Variants in SLC2A13 observed in about 807,000 individuals in gnomAD.
SLC2A13 encodes the protein proton myo-inositol cotransporter.
SLC2A13 carries 32 observed loss-of-function variants against 64.4 expected under a neutral mutation model. That is an observed-to-expected ratio of 0.50 (90% CI 0.37 to 0.67). SLC2A13 has a LOEUF of 0.67. Ranked by LOEUF, SLC2A13 falls within the 30% of genes least tolerant of loss-of-function variation. The probability of loss-of-function intolerance (pLI) is 0.00; values close to 1 mark genes in which losing one functional copy is unlikely to be tolerated. For missense variants in SLC2A13, 743 were observed against 829.2 expected, an observed-to-expected ratio of 0.90 and a Z score of 1.28; for synonymous variants, 338 against 327.1, an observed-to-expected ratio of 1.03 and a Z score of -0.36.
intron 3 of SLC2A13, among the ~76,000 whole-genome samples, chr12:39,989,858 G>A (rs536059528): frequency 6.6e-6 from 1 of 152,154 alleles, no homozygotes; most frequent in Non-Finnish European, 1.5e-5. Flanking sequence ...CTGCTGTCAG[G>A]AAATTTTACA....
chr12:40,079,416 T>C (rs1018887623), intron 1 of SLC2A13, among the ~76,000 whole-genome samples: 7 of 152,218 alleles, frequency 4.6e-5, no homozygotes, highest in African/African-American at 1.7e-4. Context: ...ATTGTACAGT[T>C]TGGGGGATCT....
At chr12:39,779,018 A>G (rs1234205768) in intron 7 of SLC2A13, among the ~76,000 whole-genome samples, 1 of 152,230 alleles carries the variant, frequency 6.6e-6, no homozygotes, top group Non-Finnish European at 1.5e-5. Context: ...CGTAGGTAAT[A>G]CATGCCTTTG....
intron 3 of SLC2A13, among the ~76,000 whole-genome samples, chr12:39,996,591 C>A (rs1469441142): frequency 1.3e-5 from 2 of 152,164 alleles, no homozygotes; most frequent in South Asian, 4.2e-4. Context: ...TGGGCTGGGC[C>A]CCCCGCCCCA....
intron 9 of SLC2A13, among the ~76,000 whole-genome samples, chr12:39,763,152 T>C (rs1375333187): frequency 1.3e-5 from 2 of 152,058 alleles, no homozygotes; most frequent in African/African-American, 4.8e-5. Flanking sequence ...GTTTATGAAT[T>C]TATCGAAAAA....
chr12:40,048,003 C>T (rs1309783195), intron 2 of SLC2A13, 48 bp downstream of exon 2: 1 of 1,522,912 alleles, frequency 6.6e-7, no homozygotes, highest in African/African-American at 1.4e-5. Context: ...TTCTCCCCTT[C>T]CCCAAAATCA....
chr12:39,773,205 A>T (rs1592122965), intron 7 of SLC2A13, among the ~76,000 whole-genome samples: 1 of 152,316 alleles, frequency 6.6e-6, no homozygotes, highest in East Asian at 1.9e-4. Flanking sequence ...GCAAAACCTG[A>T]AAATGACTGC....
chr12:39,921,086 AATTG>A (rs1480769017), intron 4 of SLC2A13, among the ~76,000 whole-genome samples: 5 of 152,194 alleles, frequency 3.3e-5, no homozygotes, highest in Non-Finnish European at 5.9e-5. Flanking sequence ...TTGAAAATAT[AATTG>A]ATTGATTATG....
intron 1 of SLC2A13, among the ~76,000 whole-genome samples, chr12:40,067,104 A>T (rs1937758940): frequency 6.6e-6 from 1 of 152,214 alleles, no homozygotes; most frequent in African/African-American, 2.4e-5. Context: ...GGTGTACAAA[A>T]CTGCAAATCG....
At chr12:39,977,879 C>A (rs1442139649) in intron 3 of SLC2A13, among the ~76,000 whole-genome samples, 1 of 152,236 alleles carries the variant, frequency 6.6e-6, no homozygotes, top group Non-Finnish European at 1.5e-5. Flanking sequence ...GGTCTTCACC[C>A]TTTCTCTGGC....
intron 2 of SLC2A13, among the ~76,000 whole-genome samples, chr12:40,032,831 C>G (rs1000316443): frequency 6.6e-6 from 1 of 152,220 alleles, no homozygotes; most frequent in Non-Finnish European, 1.5e-5. Flanking sequence ...TTTTGCACTT[C>G]ACGATCATTG....
At chr12:39,821,449 A>G (rs1942507730) in intron 7 of SLC2A13, among the ~76,000 whole-genome samples, 1 of 152,122 alleles carries the variant, frequency 6.6e-6, no homozygotes, top group Non-Finnish European at 1.5e-5. Flanking sequence ...CCACAGGAGA[A>G]TCCAGGGTAT....
intron 4 of SLC2A13, among the ~76,000 whole-genome samples, chr12:39,885,898 A>G (rs558156066): frequency 6.6e-6 from 1 of 152,314 alleles, no homozygotes; most frequent in South Asian, 2.1e-4. Context: ...TATTTGGTTC[A>G]ACAACACTTT....
chr12:39,758,366 T>C lies in SLC2A13; in HGVS notation c.*1660A>G, dbSNP rs757307280. 1 of 151,826 alleles carries C rather than the reference T, an allele frequency of 6.6e-6. No homozygotes were observed. The highest frequency in any genetic ancestry group is 1.9e-4 in the East Asian group (1 of 5,304). 9.4% of individuals were successfully genotyped at this position (151,826 alleles called of 1,614,324 possible). On this transcript the variant is annotated 3_prime_UTR_variant, in exon 10 of 10. Coordinates refer to ENST00000280871, the MANE Select transcript of SLC2A13 (RefSeq NM_052885.4). ...AGGAACAAGCCAGACATTAAAAGAA[T>C]AGAGTATCTTGGAGACTGGAAGAAA...
intron 7 of SLC2A13, among the ~76,000 whole-genome samples, chr12:39,781,809 A>G (rs1592131830): frequency 6.6e-6 from 1 of 152,342 alleles, no homozygotes; most frequent in East Asian, 1.9e-4. Context: ...GTAGCAATGG[A>G]CAAAAGTTAG....
rs368684372 is a variant in SLC2A13 at position 39,764,962 on chromosome 12, A to G, written c.1446-104T>C. 585 of 1,285,546 alleles carry G rather than the reference A, an allele frequency of 4.6e-4. 2 individuals are homozygous for G. The African/African-American group carries it at 7.7e-3, about 17-fold the overall frequency. The allele number at this position is 1,285,546 out of a possible 1,614,324, so 79.6% of individuals were successfully genotyped here. A position where few individuals can be genotyped will look rare whatever the true frequency, so the allele number is the denominator to read the frequency against. On this transcript the variant is annotated intron_variant, in intron 7 of 9. Transcript: ENST00000280871. ...TATTTGGAAATTCCTTAATGTCTTAAGAGTCCAAAATGTTTTTCTTAAAAA... is the reference window on the plus strand; with the variant it reads ...TATTTGGAAATTCCTTAATGTCTTAGGAGTCCAAAATGTTTTTCTTAAAAA...
intron 7 of SLC2A13, among the ~76,000 whole-genome samples, chr12:39,778,538 G>A (rs1021743855): frequency 1.3e-5 from 2 of 152,158 alleles, no homozygotes; most frequent in African/African-American, 4.8e-5. Flanking sequence ...CTCTTGATAA[G>A]TTATATTATT....
intron 7 of SLC2A13, among the ~76,000 whole-genome samples, chr12:39,769,387 T>C (rs980489097): frequency 6.6e-6 from 1 of 152,074 alleles, no homozygotes; most frequent in Non-Finnish European, 1.5e-5. Context: ...TAGGACTTGA[T>C]ACATTTGAAT....
rs141102947 is a variant in SLC2A13, at chr12:39,886,289, G to A, written c.1035-14328C>T. On this transcript the variant is annotated intron_variant, in intron 4 of 9. Transcript: ENST00000280871. ...GGCTTGATGCGGGCATATTGACAGCGCTGTGCCCTTTGATGTTCAAAGGGA... is the reference window on the plus strand; with the variant it reads ...GGCTTGATGCGGGCATATTGACAGCACTGTGCCCTTTGATGTTCAAAGGGA... 2.8e-3 allele frequency among the ~76,000 whole-genome samples: 425 copies of A among 152,098 alleles called. 1 individual carries two copies. The highest frequency in any genetic ancestry group is 9.5e-3 in the African/African-American group (393 of 41,484).
At chr12:39,898,781 T>C (rs1944998178) in intron 4 of SLC2A13, among the ~76,000 whole-genome samples, 2 of 152,138 alleles carry the variant, frequency 1.3e-5, no homozygotes, top group Non-Finnish European at 2.9e-5. Context: ...CTCTCAATTA[T>C]TCTCTCACAG....
Sources: gnomAD v4.1 joint callset for allele counts (sites outside exome capture counted in the v4.1 genomes callset) on GRCh38, gnomAD v4.1.1 for gene constraint, MANE v1.5 for transcripts, NCBI Gene and HGNC (gene_info 2026-07-23, HGNC 2026-07-21) for gene names.